Variants in CRACR2A observed in about 807,000 individuals in gnomAD.
The protein encoded by CRACR2A is calcium release activated channel regulator 2A, also known as EF-hand calcium-binding domain-containing protein 4B.
Under a neutral mutation model 90.5 loss-of-function variants are expected in CRACR2A, and 79 were observed. The ratio of observed to expected loss-of-function variants is 0.87; its 90% CI spans 0.73 to 1.05. The LOEUF is 1.05. CRACR2A is among the 50% of genes least tolerant of loss of function. The probability of loss-of-function intolerance (pLI) is 0.00; values close to 1 mark genes in which losing one functional copy is unlikely to be tolerated. For synonymous variants in CRACR2A, 338 were observed against 356.7 expected (o/e 0.95, Z 0.59); for missense variants, 823 against 897.2 (o/e 0.92, Z 1.06).
chr12:3,658,463 C>T (rs1040517199), intron 8 of CRACR2A, among the ~76,000 whole-genome samples: 4 of 152,068 alleles, frequency 2.6e-5, no homozygotes, highest in Non-Finnish European at 4.4e-5. Context: ...TTCTGTCTGC[C>T]GTCAACTAGG....
At chr12:3,647,356 T>C (rs925516194) in intron 11 of CRACR2A, among the ~76,000 whole-genome samples, 1 of 152,182 alleles carries the variant, frequency 6.6e-6, no homozygotes, top group Middle Eastern at 3.2e-3. Context: ...CTCAGGCCTT[T>C]TGTGATTCTG....
intron 13 of CRACR2A, chr12:3,640,766 C>T (rs2137374363): frequency 7.7e-7 from 1 of 1,305,412 alleles, no homozygotes; most frequent in South Asian, 1.2e-5. Flanking sequence ...ATGCCTCTAT[C>T]TCTCTGTGGC....
intron 11 of CRACR2A, 62 bp downstream of exon 11, chr12:3,648,480 G>A (rs371628713): frequency 9.9e-6 from 16 of 1,612,986 alleles, no homozygotes; most frequent in Non-Finnish European, 1.2e-5. Flanking sequence ...CCTCAGACTG[G>A]TCCTTCCGAC....
chr12:3,634,126 C>A (rs971729670), intron 14 of CRACR2A, among the ~76,000 whole-genome samples: 1 of 152,020 alleles, frequency 6.6e-6, no homozygotes, highest in African/African-American at 2.4e-5. Context: ...CAAGAGGGGG[C>A]AGGAATTCTT....
At chr12:3,651,280 T>A (rs1033511785) in intron 10 of CRACR2A, among the ~76,000 whole-genome samples, 2 of 152,264 alleles carry the variant, frequency 1.3e-5, no homozygotes, top group Admixed American at 6.5e-5. Context: ...TGTGTATGCA[T>A]GCGTGTGCAC....
chr12:3,665,670 G>T (rs1055028100), intron 7 of CRACR2A, among the ~76,000 whole-genome samples: 4 of 152,200 alleles, frequency 2.6e-5, no homozygotes, highest in African/African-American at 9.7e-5. Flanking sequence ...AAACTGGGGG[G>T]TGGAGGATCA....
chr12:3,682,807 T>G (rs1945482087), intron 4 of CRACR2A, among the ~76,000 whole-genome samples: 1 of 148,106 alleles, frequency 6.8e-6, no homozygotes, highest in African/African-American at 2.5e-5. Flanking sequence ...TTTTTTTTTT[T>G]GAGACAGAGT....
rs773874892 is a variant in CRACR2A, at chr12:3,648,581, C to T, written c.1079G>A (p.Arg360His). The change falls in exon 11 of 20, where the codon CGT becomes CAT. Residue 360 changes from arginine (R) to histidine (H), a missense_variant. By Grantham distance (29) the Arg-to-His change is conservative (BLOSUM62 0). Coordinates refer to ENST00000440314, the MANE Select transcript of CRACR2A (RefSeq NM_001144958.2). ...EVYRVTESLQ[R>H]EKAGLLKQLD... is the part of the protein sequence containing the mutation. ...CTGCTTGAGGAGCCCGGCCTTCTCACGCTGTAGACTCTCCGTCACACGGTA... is the reference window on the plus strand; with the variant it reads ...CTGCTTGAGGAGCCCGGCCTTCTCATGCTGTAGACTCTCCGTCACACGGTA... 2.3e-5 allele frequency: 37 copies of T among 1,613,994 alleles called. No homozygotes were observed. Among genetic ancestry groups the T allele is most frequent in the Non-Finnish European group, 2.9e-5 (34 of 1,180,016 alleles).
chr12:3,732,913 C>G (rs529560967), intron 2 of CRACR2A, 29 bp downstream of exon 2: 1 of 152,360 alleles, frequency 6.6e-6, no homozygotes, highest in African/African-American at 2.4e-5. Flanking sequence ...CTCCCAGTAC[C>G]CCCTGAATCC....
chr12:3,640,136 CCTGCATCACGGCA>C (rs1474354429), intron 13 of CRACR2A, among the ~76,000 whole-genome samples: 1 of 152,242 alleles, frequency 6.6e-6, no homozygotes, highest in Non-Finnish European at 1.5e-5. Context: ...TTCTGTAATA[CCTGCATCACGGCA>C]TGACTGAGTT....
chr12:3,743,141 A>G (rs1348232473), intron 1 of CRACR2A, among the ~76,000 whole-genome samples: 2 of 152,180 alleles, frequency 1.3e-5, no homozygotes, highest in East Asian at 3.9e-4. Context: ...TTCTATTTCA[A>G]ACTTCTGTAA....
chr12:3,663,641 A>G (rs1312309102), intron 7 of CRACR2A, among the ~76,000 whole-genome samples: 1 of 152,212 alleles, frequency 6.6e-6, no homozygotes, highest in African/African-American at 2.4e-5. Flanking sequence ...ATGGGCCGTA[A>G]TGATCTTTCT....
intron 2 of CRACR2A, among the ~76,000 whole-genome samples, chr12:3,717,201 C>T (rs1946094927): frequency 6.6e-6 from 1 of 152,196 alleles, no homozygotes; most frequent in Non-Finnish European, 1.5e-5. Flanking sequence ...GATGGGCCTT[C>T]TCTTCCAGAT....
At chr12:3,644,776 C>T (rs1944655409) in intron 11 of CRACR2A, 136 bp from the exon 12 acceptor site, 4 of 768,810 alleles carry the variant, frequency 5.2e-6, no homozygotes, top group Admixed American at 2.0e-5. Flanking sequence ...AATCTCCTTC[C>T]ATAGGGATGT....
intron 17 of CRACR2A, among the ~76,000 whole-genome samples, chr12:3,623,634 G>T (rs1348694262): frequency 6.6e-6 from 1 of 152,214 alleles, no homozygotes; most frequent in Non-Finnish European, 1.5e-5. Flanking sequence ...ACCCAATTGA[G>T]ATAAGAAATT....
At chr12:3,695,284 G>T (rs1160370895) in intron 4 of CRACR2A, among the ~76,000 whole-genome samples, 1 of 152,190 alleles carries the variant, frequency 6.6e-6, no homozygotes, top group African/African-American at 2.4e-5. Flanking sequence ...TTCACAGACA[G>T]GGGTTTGTCA....
At chr12:3,668,573 T>A (rs1018496184) in intron 7 of CRACR2A, among the ~76,000 whole-genome samples, 2 of 152,168 alleles carry the variant, frequency 1.3e-5, no homozygotes, top group Non-Finnish European at 2.9e-5. Context: ...GAGGCTTTAT[T>A]TGCTGCCCTA....
intron 10 of CRACR2A, among the ~76,000 whole-genome samples, chr12:3,650,644 C>A (rs1257693773): frequency 6.6e-6 from 1 of 152,216 alleles, no homozygotes; most frequent in African/African-American, 2.4e-5. Context: ...CCACCCCACC[C>A]TGTGTCCTGC....
rs559008284 is a variant in CRACR2A, at chr12:3,690,997, C to T, written c.228+5775G>A. On this transcript the variant is annotated intron_variant, in intron 4 of 19. Transcript: ENST00000440314. ...CCCTGCTTTTTTTCTGTTTTCCATT[C>T]GCCTGCTAGATTTTTCTCCATCCCT... is the stretch of plus-strand genomic sequence containing the variant. Among the ~76,000 whole-genome samples the T allele has an allele frequency of 4.3e-3, 650 of 152,112 alleles. 8 individuals are homozygous for T. Among genetic ancestry groups the T allele is most frequent in the African/African-American group, 0.015 (616 of 41,450 alleles).
Sources: allele counts gnomAD v4.1 joint callset (sites outside exome capture counted in the v4.1 genomes callset), GRCh38; gene constraint gnomAD v4.1.1; transcripts MANE v1.5; gene names NCBI Gene and HGNC (gene_info 2026-07-23, HGNC 2026-07-21).